Variants in LOC128462377 observed in about 807,000 individuals in gnomAD.
At chr16:89,328,285 G>C in the LOC128462377 span, among the ~76,000 whole-genome samples, 254 of 152,298 alleles carry the variant, frequency 1.7e-3, 2 homozygotes, top group African/African-American at 5.8e-3. Context: ...AGAACAGCAA[G>C]GCAGCCTTAC....
chr16:89,379,997 C>G, the LOC128462377 span, among the ~76,000 whole-genome samples: 1 of 152,194 alleles, frequency 6.6e-6, no homozygotes, highest in Non-Finnish European at 1.5e-5. Flanking sequence ...CATCTCCAAA[C>G]CCCTCAAGCT....
At chr16:89,415,653 C>T in the LOC128462377 span, among the ~76,000 whole-genome samples, 1 of 150,760 alleles carries the variant, frequency 6.6e-6, no homozygotes, top group African/African-American at 2.4e-5. Context: ...CACAGTGAAA[C>T]CCTATCTCTA....
At chr16:89,326,654 ACC>A in the LOC128462377 span, among the ~76,000 whole-genome samples, 1 of 152,064 alleles carries the variant, frequency 6.6e-6, no homozygotes, top group African/African-American at 2.4e-5. Context: ...AGGCAGGAAG[ACC>A]CCTTGGGCCC....
the LOC128462377 span, among the ~76,000 whole-genome samples, chr16:89,364,035 T>A: frequency 3.7e-4 from 56 of 151,900 alleles, no homozygotes; most frequent in Non-Finnish European, 6.2e-4. Context: ...ACTGCATTCC[T>A]GCCCAGCCGA....
chr16:89,382,499 G>C, the LOC128462377 span, among the ~76,000 whole-genome samples: 3 of 151,470 alleles, frequency 2.0e-5, no homozygotes, highest in Admixed American at 1.3e-4. Flanking sequence ...CTAATTTTTT[G>C]TATTTTTAAT....
the LOC128462377 span, among the ~76,000 whole-genome samples, chr16:89,414,733 C>G: frequency 6.6e-5 from 10 of 152,144 alleles, no homozygotes; most frequent in Non-Finnish European, 1.5e-4. Flanking sequence ...TGCGGCCACA[C>G]CTGGCCCAAC....
chr16:89,359,396 C>G, the LOC128462377 span, among the ~76,000 whole-genome samples: 1 of 152,212 alleles, frequency 6.6e-6, no homozygotes, highest in Non-Finnish European at 1.5e-5. Context: ...CTCCTGGAGC[C>G]AGCCCCAGCA....
the LOC128462377 span, among the ~76,000 whole-genome samples, chr16:89,413,756 A>C: frequency 1.3e-5 from 2 of 152,228 alleles, no homozygotes; most frequent in African/African-American, 2.4e-5. Flanking sequence ...CAGGACACAG[A>C]AACAGCCGAC....
chr16:89,407,676 CACACACACATAG>C, the LOC128462377 span, among the ~76,000 whole-genome samples: 7 of 151,960 alleles, frequency 4.6e-5, no homozygotes, highest in African/African-American at 1.7e-4. Context: ...CATACACACA[CACACACACATAG>C]ACACACACAG....
At chr16:89,338,977 A>T in the LOC128462377 span, among the ~76,000 whole-genome samples, 1 of 152,156 alleles carries the variant, frequency 6.6e-6, no homozygotes, top group African/African-American at 2.4e-5. Context: ...TTTCCCTCAA[A>T]GTCACCACCG....
chr16:89,358,140 A>C, the LOC128462377 span, among the ~76,000 whole-genome samples: 7 of 152,230 alleles, frequency 4.6e-5, no homozygotes, highest in Non-Finnish European at 8.8e-5. Context: ...GGGTGGCTGG[A>C]GATGCTGCAC....
the LOC128462377 span, chr16:89,323,354 T>G: frequency 1.6e-6 from 2 of 1,286,972 alleles, no homozygotes; most frequent in Non-Finnish European, 2.0e-6. Flanking sequence ...GAAGCACCAC[T>G]GGCCTCTCAC....
At chr16:89,409,854 T>TTTATTTATTTATTTATTTA in the LOC128462377 span, among the ~76,000 whole-genome samples, 1 of 141,038 alleles carries the variant, frequency 7.1e-6, no homozygotes, top group African/African-American at 3.2e-5. Flanking sequence ...TTATTTATTT[T>TTTATTTATTTATTTATTTA]TTGAGATGGG....
the LOC128462377 span, among the ~76,000 whole-genome samples, chr16:89,406,562 A>C: frequency 6.6e-6 from 1 of 152,190 alleles, no homozygotes; most frequent in African/African-American, 2.4e-5. Flanking sequence ...AGCGAGGAAG[A>C]CAGATGTGCT....
chr16:89,325,971 A>G, the LOC128462377 span, among the ~76,000 whole-genome samples: 1 of 152,222 alleles, frequency 6.6e-6, no homozygotes, highest in African/African-American at 2.4e-5. Context: ...GCCATGCCCA[A>G]TACACACTGC....
At chr16:89,346,887 ACAAAGT>A in the LOC128462377 span, among the ~76,000 whole-genome samples, 5 of 152,260 alleles carry the variant, frequency 3.3e-5, no homozygotes, top group African/African-American at 9.6e-5. Flanking sequence ...CAGAGACTAA[ACAAAGT>A]CAAAGGTGAG....
At chr16:89,396,764 G>A in the LOC128462377 span, among the ~76,000 whole-genome samples, 16 of 152,310 alleles carry the variant, frequency 1.1e-4, no homozygotes, top group African/African-American at 3.9e-4. Context: ...TTGGCTCACT[G>A]CAACCTCCGC....
chr16:89,359,914 G>A, the LOC128462377 span, among the ~76,000 whole-genome samples: 1 of 151,916 alleles, frequency 6.6e-6, no homozygotes, highest in Non-Finnish European at 1.5e-5. Context: ...TAACTTTTAG[G>A]TTCGGGGGCA....
At chr16:89,415,399 G>A in the LOC128462377 span, among the ~76,000 whole-genome samples, 2 of 150,198 alleles carry the variant, frequency 1.3e-5, no homozygotes, top group South Asian at 2.1e-4. Flanking sequence ...CGAGTAGCTG[G>A]GACTACAGGC....
Sources: gnomAD v4.1 joint callset for allele counts (sites outside exome capture counted in the v4.1 genomes callset) on GRCh38, gnomAD v4.1.1 for gene constraint, MANE v1.5 for transcripts.